The following TIAM1 variants were observed in gnomAD, a reference collection of about 807,000 sequenced individuals.
TIAM1 encodes TIAM Rac1 associated GEF 1.
A neutral mutation model predicts 163.5 loss-of-function variants in TIAM1; 65 were observed. That is an observed-to-expected ratio of 0.40 (90% CI 0.33 to 0.49). The LOEUF (loss-of-function observed/expected upper bound fraction) is 0.49, where lower values mean the gene tolerates loss of function less well. TIAM1 is among the 20% of genes least tolerant of loss of function. The pLI is 0.77. For synonymous variants in TIAM1, 833 were observed against 810.1 expected (o/e 1.03, Z -0.48); for missense variants, 1,789 against 2,044.7 (o/e 0.87, Z 2.41).
intron 20 of TIAM1, among the ~76,000 whole-genome samples, chr21:31,143,452 T>TTTTATATA (rs1555863365): frequency 6.7e-6 from 1 of 149,230 alleles, no homozygotes; most frequent in African/African-American, 2.5e-5. Flanking sequence ...TATATAATTT[T>TTTTATATA]TATATATATA....
chr21:31,133,452 C>A (rs2082495505), intron 23 of TIAM1, among the ~76,000 whole-genome samples: 1 of 152,222 alleles, frequency 6.6e-6, no homozygotes, highest in South Asian at 2.1e-4. Flanking sequence ...GTGGGCCCGC[C>A]TTCCTGGAGA....
At chr21:31,332,333 G>C (rs2075701170) in intron 2 of TIAM1, among the ~76,000 whole-genome samples, 1 of 152,034 alleles carries the variant, frequency 6.6e-6, no homozygotes, top group African/African-American at 2.4e-5. Flanking sequence ...CATATTACAG[G>C]CTTTGCCAAC....
chr21:31,349,365 CG>C (rs1569254344), intron 2 of TIAM1, among the ~76,000 whole-genome samples: 1 of 152,124 alleles, frequency 6.6e-6, no homozygotes, highest in Non-Finnish European at 1.5e-5. Context: ...AGGAAACATC[CG>C]TGAGCTCTTA....
At chr21:31,503,332 T>C (rs1408215738) in intron 1 of TIAM1, among the ~76,000 whole-genome samples, 4 of 149,410 alleles carry the variant, frequency 2.7e-5, no homozygotes, top group Admixed American at 6.7e-5. Flanking sequence ...GAGGTGGAGG[T>C]TGCAGTGAGC....
At position 31,213,579 on chromosome 21, in the gene TIAM1, G is replaced by C. The variant is rs146064388; in HGVS notation, c.2143-107C>G. 5.0e-5 allele frequency: 44 copies of C among 887,868 alleles called. No individual in the cohort carries two copies. In the African/African-American group the frequency reaches 7.0e-4, roughly 14 times the overall value. The allele number at this position is 887,868 out of a possible 1,614,324, so 55.0% of individuals were successfully genotyped here. A position where few individuals can be genotyped will look rare whatever the true frequency, so the allele number is the denominator to read the frequency against. On this transcript the variant is annotated intron_variant, in intron 9 of 27. Transcript: ENST00000541036. ...ATGGCTATGACAAAACCTTACACAC[G>C]TGTTCAGATACTCCTACATCAAATC...
Position 31,182,166 on chromosome 21 carries a change from G to A in TIAM1, c.2887+255C>T, listed in dbSNP as rs150732661. Among the ~76,000 whole-genome samples, 241 of 152,192 alleles carry A rather than the reference G, an allele frequency of 1.6e-3. 5 individuals are homozygous for A. In the East Asian group the frequency reaches 0.034, roughly 22 times the overall value. The stretch of plus-strand genomic sequence containing the variant: ...TCACCTTTCCCCAAAATGAGAAACA[G>A]CAGAAGCATTATAAAGCTGCCCATG... On this transcript the variant is annotated intron_variant, in intron 15 of 27. Coordinates refer to ENST00000541036, the MANE Select transcript of TIAM1 (RefSeq NM_001353694.2).
chr21:31,265,139 T>C (rs888634407), intron 4 of TIAM1, among the ~76,000 whole-genome samples: 11 of 151,886 alleles, frequency 7.2e-5, no homozygotes, highest in African/African-American at 2.7e-4. Flanking sequence ...TATCCTAATC[T>C]TAATTATCAT....
rs556894067 is a variant in TIAM1 at position 31,507,922 on chromosome 21, A to T, written c.-421-43887T>A. ...TCCCAGAACCTGTGACTGTGACCCA[A>T]CTGGAAATAGGGTCTTCGTAGACAT... On this transcript the variant is annotated intron_variant, in intron 1 of 28. Coordinates refer to the TIAM1 transcript ENST00000286827. Among the ~76,000 whole-genome samples, 22 of 152,288 alleles carry T rather than the reference A, an allele frequency of 1.4e-4. No individual in the cohort carries two copies. The South Asian group carries it at 4.3e-3, about 30-fold the overall frequency.
At chr21:31,513,407 G>A (rs1255100485) in intron 1 of TIAM1, among the ~76,000 whole-genome samples, 1 of 152,094 alleles carries the variant, frequency 6.6e-6, no homozygotes, top group African/African-American at 2.4e-5. Context: ...TATCTCAGGT[G>A]CCCCTGTTCG....
At chr21:31,404,682 A>G (rs565837422) in intron 2 of TIAM1, among the ~76,000 whole-genome samples, 9 of 152,160 alleles carry the variant, frequency 5.9e-5, no homozygotes, top group African/African-American at 2.2e-4. Context: ...ATTGTCTGCA[A>G]TTCTGTGACT....
chr21:31,319,328 T>C (rs1304049617), intron 2 of TIAM1, among the ~76,000 whole-genome samples: 4 of 152,196 alleles, frequency 2.6e-5, no homozygotes, highest in South Asian at 2.1e-4. Context: ...GGAAGTGGAA[T>C]TGTGGGGTCA....
intron 2 of TIAM1, among the ~76,000 whole-genome samples, chr21:31,461,811 A>T (rs2045339040): frequency 6.6e-6 from 1 of 152,090 alleles, no homozygotes; most frequent in South Asian, 2.1e-4. Flanking sequence ...GACCACAGGC[A>T]TGCGCTACTA....
chr21:31,537,631 A>G (rs530160159), intron 1 of TIAM1, among the ~76,000 whole-genome samples: 108 of 152,150 alleles, frequency 7.1e-4, no homozygotes, highest in African/African-American at 2.5e-3. Flanking sequence ...GGATGCGTGT[A>G]TTCCCAGCTA....
intron 2 of TIAM1, among the ~76,000 whole-genome samples, chr21:31,394,702 T>TCG (rs1569293303): frequency 1.2e-3 from 111 of 94,910 alleles, no homozygotes; most frequent in African/African-American, 4.7e-3. Flanking sequence ...TCTCTCTCTC[T>TCG]CTCTCGCTCT....
intron 11 of TIAM1, among the ~76,000 whole-genome samples, chr21:31,204,029 T>A (rs1353093725): frequency 2.0e-5 from 3 of 152,206 alleles, no homozygotes; most frequent in South Asian, 2.1e-4. Context: ...TAAAAAGTAA[T>A]CTTTGAATTA....
At chr21:31,349,518 A>T (rs1184298292) in intron 2 of TIAM1, among the ~76,000 whole-genome samples, 1 of 152,202 alleles carries the variant, frequency 6.6e-6, no homozygotes, top group Non-Finnish European at 1.5e-5. Flanking sequence ...AGTTTTTCCT[A>T]GTTTGGGACC....
At position 31,455,193 on chromosome 21, in the gene TIAM1, T is replaced by G. The variant is rs1400933913; in HGVS notation, c.-369+8790A>C. ...ACTTGGGTGGCTGAGGCAGGAGAAC[T>G]GCTTGAATCCAAGAGGCAGAGGTTG... is the stretch of plus-strand genomic sequence containing the variant. On this transcript the variant is annotated intron_variant, in intron 2 of 28. Coordinates refer to the TIAM1 transcript ENST00000286827. 2.0e-5 allele frequency among the ~76,000 whole-genome samples: 3 copies of G among 147,204 alleles called. No individual in the cohort carries two copies. The East Asian group carries it at 6.3e-4, about 31-fold the overall frequency.
chr21:31,299,346 AC>A (rs1360333994), intron 2 of TIAM1, among the ~76,000 whole-genome samples: 1 of 152,168 alleles, frequency 6.6e-6, no homozygotes, highest in Non-Finnish European at 1.5e-5. Context: ...CCCTTCCATG[AC>A]ATTTCTGAGA....
intron 2 of TIAM1, among the ~76,000 whole-genome samples, chr21:31,370,889 C>T (rs575980605): frequency 7.2e-5 from 11 of 152,246 alleles, no homozygotes; most frequent in African/African-American, 2.6e-4. Flanking sequence ...CAACAAGCCC[C>T]GGTATGCAGC....
Sources: allele counts gnomAD v4.1 joint callset (sites outside exome capture counted in the v4.1 genomes callset), GRCh38; gene constraint gnomAD v4.1.1; transcripts MANE v1.5; gene names NCBI Gene and HGNC (gene_info 2026-07-23, HGNC 2026-07-21).